The following FBXL7 variants were observed in gnomAD, a reference collection of about 807,000 sequenced individuals.
FBXL7 encodes F-box and leucine rich repeat protein 7.
In FBXL7, 12 loss-of-function variants were observed where a neutral mutation model predicts 38.3. The ratio of observed to expected loss-of-function variants is 0.31; its 90% CI spans 0.20 to 0.51. The LOEUF (loss-of-function observed/expected upper bound fraction) is 0.51. Ranked by LOEUF, FBXL7 falls within the 20% of genes least tolerant of loss-of-function variation. The pLI is 0.98. For missense variants in FBXL7, 567 were observed against 676.4 expected (o/e 0.84, Z 1.79); for synonymous variants, 297 against 300.9 (o/e 0.99, Z 0.13).
chr5:15,669,587 A>G (rs1329544623), intron 2 of FBXL7, among the ~76,000 whole-genome samples: 1 of 152,062 alleles, frequency 6.6e-6, no homozygotes, highest in Non-Finnish European at 1.5e-5. Flanking sequence ...CCTCTCCACC[A>G]CAGGGATCAG....
intron 2 of FBXL7, among the ~76,000 whole-genome samples, chr5:15,654,566 T>C (rs1741816123): frequency 6.6e-6 from 1 of 152,196 alleles, no homozygotes; most frequent in Admixed American, 6.5e-5. Flanking sequence ...TAATGGGTCA[T>C]TTTTGTCTCG....
chr5:15,817,100 C>T (rs1414048051), intron 2 of FBXL7, among the ~76,000 whole-genome samples: 1 of 152,144 alleles, frequency 6.6e-6, no homozygotes, highest in Non-Finnish European at 1.5e-5. Context: ...TTGGACAAAT[C>T]GTTTACTCTG....
chr5:15,641,341 C>T (rs1741363485), intron 2 of FBXL7, among the ~76,000 whole-genome samples: 1 of 152,142 alleles, frequency 6.6e-6, no homozygotes, highest in African/African-American at 2.4e-5. Flanking sequence ...TTCCTTCTTC[C>T]AGACTCTACA....
At chr5:15,627,604 T>G (rs550800721) in intron 2 of FBXL7, among the ~76,000 whole-genome samples, 38 of 152,288 alleles carry the variant, frequency 2.5e-4, no homozygotes, top group African/African-American at 8.9e-4. Context: ...GCCCATATTT[T>G]TGGTGATGTC....
intron 2 of FBXL7, among the ~76,000 whole-genome samples, chr5:15,782,740 T>C (rs1267591014): frequency 6.6e-6 from 1 of 152,000 alleles, no homozygotes; most frequent in East Asian, 1.9e-4. Context: ...TAAGGAGGGA[T>C]GAAATCCACA....
rs1742190896 is a variant in FBXL7, at chr5:15,936,505, A to G, written c.795A>G (p.Ser265=). Residue 265 remains serine (S), a synonymous_variant, in exon 4 of 4, where the codon TCA becomes TCG. Coordinates refer to ENST00000504595, the MANE Select transcript of FBXL7 (RefSeq NM_012304.5). The surrounding 1 kb of genome is among the most constrained non-coding windows in gnomAD (Gnocchi z 6.0). ...CCCGGGAGGCCTCCATTAAACTGTC[A>G]CCCTTGCATGGCAAACAGATTTCCA... The part of the protein sequence containing the change: ...SLTREASIKL[S]PLHGKQISIR... 6.2e-7 allele frequency: 1 copy of G among 1,613,430 alleles called. No homozygotes were observed. Among genetic ancestry groups the G allele is most frequent in the African/African-American group, 1.3e-5 (1 of 75,034 alleles).
chr5:15,732,753 T>C (rs1309802693), intron 2 of FBXL7, among the ~76,000 whole-genome samples: 1 of 152,168 alleles, frequency 6.6e-6, no homozygotes, highest in Non-Finnish European at 1.5e-5. Flanking sequence ...TCATGGGCAA[T>C]TTTCTTCTTC....
chr5:15,906,209 G>T (rs1054271458), intron 2 of FBXL7, among the ~76,000 whole-genome samples: 2 of 151,662 alleles, frequency 1.3e-5, no homozygotes, highest in African/African-American at 4.8e-5. Context: ...TTATTGAGGA[G>T]CTTTACACAT....
Position 15,689,018 on chromosome 5 carries a change from C to T in FBXL7, c.127+72946C>T, listed in dbSNP as rs114639509. ...AAGACAGAGCCAGTGAATCAGGCCT[C>T]GTCCTCCATCTCCCCAGAGTTGTGA... is the stretch of plus-strand genomic sequence containing the variant. On this transcript the variant is annotated intron_variant, in intron 2 of 3. Transcript: ENST00000504595. Among the ~76,000 whole-genome samples the T allele has an allele frequency of 6.3e-3, 956 of 152,298 alleles. 12 individuals are homozygous for T. The highest frequency in any genetic ancestry group is 0.022 in the African/African-American group (901 of 41,564).
chr5:15,758,138 T>C (rs1736347292), intron 2 of FBXL7, among the ~76,000 whole-genome samples: 1 of 152,104 alleles, frequency 6.6e-6, no homozygotes, highest in Non-Finnish European at 1.5e-5. Flanking sequence ...TGGGGCCTCT[T>C]TCTTTACCAT....
At chr5:15,629,920 A>T (rs935347708) in intron 2 of FBXL7, among the ~76,000 whole-genome samples, 13 of 151,962 alleles carry the variant, frequency 8.6e-5, no homozygotes, top group African/African-American at 1.9e-4. Flanking sequence ...TACTTTTTTT[A>T]AAAAAAGCTT....
At chr5:15,714,492 T>G (rs1269645885) in intron 2 of FBXL7, among the ~76,000 whole-genome samples, 4 of 150,270 alleles carry the variant, frequency 2.7e-5, no homozygotes, top group Non-Finnish European at 5.9e-5. Flanking sequence ...CAAGGTAATG[T>G]GGAGTGTACA....
intron 1 of FBXL7, among the ~76,000 whole-genome samples, chr5:15,558,154 T>C (rs1257646228): frequency 4.6e-5 from 7 of 152,206 alleles, no homozygotes; most frequent in African/African-American, 9.7e-5. Flanking sequence ...TGTTTTGTTA[T>C]ATATATTTTA....
chr5:15,808,622 T>C lies in FBXL7; in HGVS notation c.128-119268T>C, dbSNP rs1184557811. 3.9e-5 allele frequency among the ~76,000 whole-genome samples: 6 copies of C among 152,186 alleles called. No individual in the cohort carries two copies. The East Asian group carries it at 1.2e-3, about 29-fold the overall frequency. Reference sequence around the variant, plus strand: ...AACCAAACACATAAAGATCACATTATAGCTTCATAAAGTATAAAGAGATTT... The same window carrying C: ...AACCAAACACATAAAGATCACATTACAGCTTCATAAAGTATAAAGAGATTT... On this transcript the variant is annotated intron_variant, in intron 2 of 3. Coordinates refer to ENST00000504595, the MANE Select transcript of FBXL7 (RefSeq NM_012304.5).
At chr5:15,528,084 C>G (rs766773767) in intron 1 of FBXL7, among the ~76,000 whole-genome samples, 9 of 152,242 alleles carry the variant, frequency 5.9e-5, no homozygotes, top group South Asian at 2.1e-4. Context: ...GTTCCTTCTT[C>G]GAGTAAATGT....
intron 2 of FBXL7, among the ~76,000 whole-genome samples, chr5:15,778,928 G>T (rs1014278054): frequency 3.9e-5 from 6 of 152,086 alleles, no homozygotes; most frequent in African/African-American, 1.4e-4. Flanking sequence ...AAAAAACGTG[G>T]TTTCTTACTA....
chr5:15,660,675 A>T (rs1163778301), intron 2 of FBXL7, among the ~76,000 whole-genome samples: 1 of 152,138 alleles, frequency 6.6e-6, no homozygotes, highest in Non-Finnish European at 1.5e-5. Context: ...GATTTTCTAA[A>T]GCATGTATAA....
At chr5:15,883,782 T>C (rs1349636617) in intron 2 of FBXL7, among the ~76,000 whole-genome samples, 1 of 152,182 alleles carries the variant, frequency 6.6e-6, no homozygotes, top group Non-Finnish European at 1.5e-5. Context: ...AACCCACCTA[T>C]TTTTACCAGA....
chr5:15,649,358 C>T (rs1263732530), intron 2 of FBXL7, among the ~76,000 whole-genome samples: 1 of 152,106 alleles, frequency 6.6e-6, no homozygotes, highest in Non-Finnish European at 1.5e-5. Flanking sequence ...AATATGCCTT[C>T]CTTATTGGTT....
Sources: gnomAD v4.1 joint callset for allele counts (sites outside exome capture counted in the v4.1 genomes callset) on GRCh38, gnomAD v4.1.1 for gene constraint, Gnocchi (gnomAD v3.1) non-coding constraint, MANE v1.5 for transcripts, NCBI Gene and HGNC (gene_info 2026-07-23, HGNC 2026-07-21) for gene names.